Variants in DDAH1 observed in about 807,000 individuals in gnomAD.
DDAH1 encodes the protein dimethylarginine dimethylaminohydrolase 1.
Under a neutral mutation model 28.8 loss-of-function variants are expected in DDAH1, and 19 were observed. That is an observed-to-expected ratio of 0.66 (90% CI 0.46 to 0.97). DDAH1 has a LOEUF of 0.97. DDAH1 is among the 50% of genes least tolerant of loss of function. The pLI, the probability that DDAH1 is intolerant of heterozygous loss-of-function variation, is 0.00. For missense variants in DDAH1, 326 were observed against 375.9 expected, an observed-to-expected ratio of 0.87 and a Z score of 1.10; for synonymous variants, 153 against 154.4, an observed-to-expected ratio of 0.99 and a Z score of 0.07.
At chr1:85,562,847 T>C (rs1378227) in intron 1 of DDAH1, among the ~76,000 whole-genome samples, 116,823 of 152,142 alleles carry the variant, frequency 0.77, 45,080 homozygotes, top group African/African-American at 0.82. Flanking sequence ...TACTTTGGTA[T>C]GGCAGCCCTC....
At chr1:85,476,058 C>CG (rs1655792754) in intron 2 of DDAH1, among the ~76,000 whole-genome samples, 1 of 152,110 alleles carries the variant, frequency 6.6e-6, no homozygotes, top group East Asian at 1.9e-4. Flanking sequence ...AGACAGGTTT[C>CG]GCCATATTGC....
rs375931713 is a variant in DDAH1 at position 85,372,032 on chromosome 1, T to C, written c.304-13185A>G. 2.0e-4 allele frequency among the ~76,000 whole-genome samples: 31 copies of C among 152,188 alleles called. 1 individual carries two copies. In the East Asian group the frequency reaches 5.8e-3, roughly 28 times the overall value. Reference sequence around the variant, plus strand: ...TGCTTTTTTTTTCCTTCCTAGTCCTTAGCTTTTTTGTGTGTTATTAAAGCC... The same window carrying C: ...TGCTTTTTTTTTCCTTCCTAGTCCTCAGCTTTTTTGTGTGTTATTAAAGCC... On this transcript the variant is annotated intron_variant, in intron 1 of 5. Coordinates refer to ENST00000284031, the MANE Select transcript of DDAH1 (RefSeq NM_012137.4).
intron 1 of DDAH1, among the ~76,000 whole-genome samples, chr1:85,544,057 T>C (rs1272931434): frequency 1.3e-5 from 2 of 152,216 alleles, no homozygotes; most frequent in Non-Finnish European, 2.9e-5. Flanking sequence ...TCTTGCAGGT[T>C]TGTTCATATT....
At chr1:85,325,235 T>C (rs1426067442) in intron 4 of DDAH1, among the ~76,000 whole-genome samples, 4 of 152,226 alleles carry the variant, frequency 2.6e-5, no homozygotes, top group Non-Finnish European at 4.4e-5. Context: ...TTGATATCTT[T>C]GGCTGAGTAA....
At chr1:85,379,642 ACTG>A in intron 1 of DDAH1, 2 of 985,288 alleles carry the variant, frequency 2.0e-6, no homozygotes, top group Non-Finnish European at 2.4e-6. Context: ...CCATTATACT[ACTG>A]TTCACTGTTC....
At chr1:85,444,990 C>T (rs1222561837) in intron 1 of DDAH1, among the ~76,000 whole-genome samples, 1 of 152,098 alleles carries the variant, frequency 6.6e-6, no homozygotes, top group Non-Finnish European at 1.5e-5. Context: ...AACTTGGAGT[C>T]CAATGTTCTA....
chr1:85,387,562 C>CT (rs1339212194), intron 1 of DDAH1, among the ~76,000 whole-genome samples: 1 of 152,224 alleles, frequency 6.6e-6, no homozygotes, highest in African/African-American at 2.4e-5. Context: ...CTGGGCTTCA[C>CT]TATCCTTATT....
At chr1:85,337,926 T>C (rs566280528) in intron 4 of DDAH1, among the ~76,000 whole-genome samples, 9 of 152,218 alleles carry the variant, frequency 5.9e-5, no homozygotes, top group Non-Finnish European at 1.3e-4. Flanking sequence ...TATCCTTCTG[T>C]GCAATCCACA....
chr1:85,542,521 A>T (rs966884995), intron 1 of DDAH1, among the ~76,000 whole-genome samples: 3 of 152,180 alleles, frequency 2.0e-5, no homozygotes, highest in African/African-American at 7.2e-5. Flanking sequence ...ATTTCTAAAA[A>T]TTTCCCAACA....
At chr1:85,564,378 G>T (rs1659224669) in intron 1 of DDAH1, among the ~76,000 whole-genome samples, 1 of 152,122 alleles carries the variant, frequency 6.6e-6, no homozygotes, top group African/African-American at 2.4e-5. Context: ...TGAAAACTTT[G>T]AATGACCTAA....
At chr1:85,474,863 G>T (rs1655740493) in intron 2 of DDAH1, among the ~76,000 whole-genome samples, 1 of 152,094 alleles carries the variant, frequency 6.6e-6, no homozygotes, top group South Asian at 2.1e-4. Context: ...TGCTCCCAAT[G>T]CTTATAAATT....
chr1:85,419,014 A>C (rs1449425687), intron 1 of DDAH1, among the ~76,000 whole-genome samples: 2 of 152,098 alleles, frequency 1.3e-5, no homozygotes, highest in Admixed American at 1.3e-4. Context: ...GGTTCTGCCC[A>C]ACTTTTCCTA....
chr1:85,528,347 G>T (rs971910), intron 1 of DDAH1, among the ~76,000 whole-genome samples: 2 of 151,808 alleles, frequency 1.3e-5, no homozygotes, highest in Admixed American at 1.3e-4. Flanking sequence ...CTCACCAATG[G>T]GTCATGACCC....
At chr1:85,540,081 A>C (rs1200618424) in intron 1 of DDAH1, among the ~76,000 whole-genome samples, 1 of 152,110 alleles carries the variant, frequency 6.6e-6, no homozygotes, top group Non-Finnish European at 1.5e-5. Flanking sequence ...AAAAATTATT[A>C]CATTAAATAT....
intron 2 of DDAH1, among the ~76,000 whole-genome samples, chr1:85,355,779 A>T (rs1045601762): frequency 1.6e-4 from 24 of 152,052 alleles, no homozygotes. Context: ...TAATACATAC[A>T]TTATGGTGTA....
Position 85,495,160 on chromosome 1 carries a change from A to ATT in DDAH1, c.-7+1004_-7+1005dup, listed in dbSNP as rs35573396. 1.3e-3 allele frequency: 194 copies of ATT among 146,200 alleles called. 2 individuals carry two copies. The highest frequency in any genetic ancestry group is 3.5e-3 in the Middle Eastern group (1 of 284). 9.1% of individuals were successfully genotyped at this position (146,200 alleles called of 1,614,324 possible). ...AGAGCAACAGATGTCTTTCTGTCCA[A>ATT]TTTTTTTTTTTTTTTTACTGTCTAT... is the stretch of plus-strand genomic sequence containing the variant. On this transcript the variant is annotated intron_variant, in intron 2 of 6. Coordinates refer to the DDAH1 transcript ENST00000426972.
Position 85,331,915 on chromosome 1 carries a change from T to C in DDAH1, c.598-7032A>G, listed in dbSNP as rs562854107. ...GATACTGAAGGAGAGGGAGGCAAGG[T>C]AGACAGCCTGGCTGGAATCAGCTGG... On this transcript the variant is annotated intron_variant, in intron 4 of 5. Transcript: ENST00000284031. Among the ~76,000 whole-genome samples the C allele has an allele frequency of 2.2e-4, 33 of 152,214 alleles. No homozygotes were observed. In the East Asian group the frequency reaches 6.4e-3, roughly 29 times the overall value.
intron 2 of DDAH1, among the ~76,000 whole-genome samples, chr1:85,491,239 A>T (rs1184759419): frequency 6.6e-6 from 1 of 151,786 alleles, no homozygotes; most frequent in African/African-American, 2.4e-5. Flanking sequence ...TGTAGAGATG[A>T]GGTTTCACTA....
intron 1 of DDAH1, among the ~76,000 whole-genome samples, chr1:85,433,161 C>T (rs546294320): frequency 6.6e-6 from 1 of 152,018 alleles, no homozygotes; most frequent in African/African-American, 2.4e-5. Context: ...TTTTAAGGTC[C>T]TCTATGTGCC....
Sources: allele counts gnomAD v4.1 joint callset (sites outside exome capture counted in the v4.1 genomes callset), GRCh38; gene constraint gnomAD v4.1.1; transcripts MANE v1.5; gene names NCBI Gene and HGNC (gene_info 2026-07-23, HGNC 2026-07-21).